Variants in NTM observed in about 807,000 individuals in gnomAD.
The protein encoded by NTM is IgLON family member 2.
A neutral mutation model predicts 42.1 loss-of-function variants in NTM; 13 were observed. The ratio of observed to expected loss-of-function variants is 0.31; its 90% CI spans 0.20 to 0.49. The LOEUF (loss-of-function observed/expected upper bound fraction) is 0.49, where lower values mean the gene tolerates loss of function less well. Among genes scored for constraint, NTM ranks in the 20% least tolerant of loss-of-function variants. The probability of loss-of-function intolerance (pLI) is 0.99; values close to 1 mark genes in which losing one functional copy is unlikely to be tolerated. For missense variants in NTM, 373 were observed against 452.8 expected (o/e 0.82, Z 1.60); for synonymous variants, 187 against 179.2 (o/e 1.04, Z -0.35).
At chr11:132,071,225 G>A (rs559098175) in intron 2 of NTM, among the ~76,000 whole-genome samples, 1 of 137,610 alleles carries the variant, frequency 7.3e-6, no homozygotes, top group Non-Finnish European at 1.6e-5. Context: ...GACCATCACA[G>A]GTTAGTTAAC....
chr11:131,516,563 G>A (rs1160591099), intron 1 of NTM, among the ~76,000 whole-genome samples: 1 of 152,044 alleles, frequency 6.6e-6, no homozygotes, highest in Non-Finnish European at 1.5e-5. Context: ...GCAGAGACGG[G>A]GTTTCACCAT....
At chr11:131,889,838 A>G (rs1363055800) in intron 1 of NTM, among the ~76,000 whole-genome samples, 1 of 152,158 alleles carries the variant, frequency 6.6e-6, no homozygotes, top group Non-Finnish European at 1.5e-5. Context: ...AGGGATCAGT[A>G]GCATCCCTCT....
intron 2 of NTM, among the ~76,000 whole-genome samples, chr11:132,054,119 G>A (rs1218875406): frequency 6.6e-6 from 1 of 152,232 alleles, no homozygotes; most frequent in Non-Finnish European, 1.5e-5. Flanking sequence ...AGAGGCTGAG[G>A]CAGGAGAATC....
At chr11:131,794,435 G>A (rs1050957755) in intron 1 of NTM, 16 of 973,972 alleles carry the variant, frequency 1.6e-5, no homozygotes, top group Middle Eastern at 5.2e-4. Context: ...CTGTGTAAGC[G>A]AATGCTGTCA....
At chr11:132,230,964 A>AAC (rs1436303259) in intron 4 of NTM, among the ~76,000 whole-genome samples, 11 of 152,214 alleles carry the variant, frequency 7.2e-5, no homozygotes, top group African/African-American at 2.7e-4. Flanking sequence ...GTGAGCTATG[A>AAC]ACACACTACT....
intron 1 of NTM, among the ~76,000 whole-genome samples, chr11:131,494,377 C>T (rs536030893): frequency 2.0e-5 from 3 of 152,260 alleles, no homozygotes; most frequent in African/African-American, 4.8e-5. Context: ...AACAGCTAAA[C>T]GTGCCATGGA....
chr11:131,584,891 G>A (rs550467585), intron 1 of NTM, among the ~76,000 whole-genome samples: 3 of 152,258 alleles, frequency 2.0e-5, no homozygotes, highest in East Asian at 1.9e-4. Flanking sequence ...GTGCTGCATC[G>A]GGCCTGGTGC....
chr11:132,292,787 T>TAAAAAAAAAAAAAAAAAAAAAAAAAA (rs61603794), intron 4 of NTM, among the ~76,000 whole-genome samples: 3 of 56,574 alleles, frequency 5.3e-5, no homozygotes, highest in Non-Finnish European at 6.0e-5. Flanking sequence ...GATGTAAAAG[T>TAAAAAAAAAAAAAAAAAAAAAAAAAA]AAAAAAAAAA....
chr11:132,105,705 T>A (rs756203529), intron 2 of NTM, among the ~76,000 whole-genome samples: 48 of 152,050 alleles, frequency 3.2e-4, no homozygotes, highest in Non-Finnish European at 5.1e-4. Flanking sequence ...AGGCTGGGGG[T>A]CCCAGGCACT....
chr11:131,687,764 G>A (rs1225714887), intron 1 of NTM, among the ~76,000 whole-genome samples: 1 of 152,136 alleles, frequency 6.6e-6, no homozygotes, highest in African/African-American at 2.4e-5. Flanking sequence ...CAGGCGAGGG[G>A]GCCCCTGGGT....
intron 1 of NTM, among the ~76,000 whole-genome samples, chr11:131,522,628 A>G (rs561268137): frequency 1.3e-5 from 2 of 152,348 alleles, no homozygotes; most frequent in South Asian, 2.1e-4. Flanking sequence ...AATACGACCT[A>G]CGTGGAAAGG....
chr11:132,120,933 TGA>T (rs138988616), intron 2 of NTM, among the ~76,000 whole-genome samples: 3 of 151,884 alleles, frequency 2.0e-5, no homozygotes, highest in Non-Finnish European at 2.9e-5. Context: ...TGTGTATGTT[TGA>T]GAGAGAGAGA....
chr11:131,862,485 T>C (rs547986938), intron 1 of NTM, among the ~76,000 whole-genome samples: 3 of 152,346 alleles, frequency 2.0e-5, no homozygotes, highest in Admixed American at 1.3e-4. Context: ...TGCTGTGTCC[T>C]AGACAGTACT....
rs75420969 is a variant in NTM, at chr11:131,966,959, A to G, written c.167+55311A>G. On this transcript the variant is annotated intron_variant, in intron 2 of 8. Transcript: ENST00000683400. ...AAGGAAGAGCCAGTAAGACTTGCTGATGGGTTACATGTGGGATGTGAGGGA... is the reference window on the plus strand; with the variant it reads ...AAGGAAGAGCCAGTAAGACTTGCTGGTGGGTTACATGTGGGATGTGAGGGA... Among the ~76,000 whole-genome samples the G allele has an allele frequency of 6.3e-3, 958 of 152,236 alleles. 9 individuals are homozygous for G. The highest frequency in any genetic ancestry group is 0.022 in the African/African-American group (917 of 41,520).
intron 4 of NTM, among the ~76,000 whole-genome samples, chr11:132,269,245 G>A (rs938045736): frequency 6.6e-6 from 1 of 152,224 alleles, no homozygotes; most frequent in Admixed American, 6.5e-5. Context: ...TATTGCAGGT[G>A]TAGAGATCTG....
intron 2 of NTM, among the ~76,000 whole-genome samples, chr11:131,914,106 T>C (rs1487280756): frequency 6.6e-6 from 1 of 152,222 alleles, no homozygotes; most frequent in Non-Finnish European, 1.5e-5. Context: ...TGCATTTTCT[T>C]GTTCTGTGTA....
At chr11:131,859,618 C>G (rs2046419501) in intron 1 of NTM, among the ~76,000 whole-genome samples, 1 of 152,032 alleles carries the variant, frequency 6.6e-6, no homozygotes, top group African/African-American at 2.4e-5. Context: ...TGTGACTTGG[C>G]TACTTTCTAT....
intron 3 of NTM, among the ~76,000 whole-genome samples, chr11:132,163,220 T>A (rs1255503844): frequency 6.6e-6 from 1 of 152,098 alleles, no homozygotes; most frequent in Non-Finnish European, 1.5e-5. Flanking sequence ...GTCCCGAGGA[T>A]CTCCTCTGGC....
At chr11:131,880,645 AC>A (rs1310786593) in intron 1 of NTM, among the ~76,000 whole-genome samples, 1 of 152,186 alleles carries the variant, frequency 6.6e-6, no homozygotes, top group African/African-American at 2.4e-5. Context: ...CACAGGGCTA[AC>A]CCACAGCTTT....
Sources: allele counts gnomAD v4.1 joint callset (sites outside exome capture counted in the v4.1 genomes callset), GRCh38; gene constraint gnomAD v4.1.1; transcripts MANE v1.5; gene names NCBI Gene and HGNC (gene_info 2026-07-23, HGNC 2026-07-21).